Variants in SUMF2 observed in about 807,000 individuals in gnomAD.
The protein encoded by SUMF2 is sulfatase modifying factor 2.
Under a neutral mutation model 44.8 loss-of-function variants are expected in SUMF2, and 45 were observed. The ratio of observed to expected loss-of-function variants is 1.00; its 90% confidence interval spans 0.79 to 1.29. The LOEUF (loss-of-function observed/expected upper bound fraction) is 1.29, where lower values mean the gene tolerates loss of function less well. Ranked by LOEUF, SUMF2 falls within the 50% of genes most tolerant of loss-of-function variation. SUMF2 has a pLI of 0.00. For missense variants in SUMF2, 418 were observed against 389.9 expected (o/e 1.07, Z -0.61); for synonymous variants, 148 against 150.4 (o/e 0.98, Z 0.12).
chr7:56,083,482 G>A (rs1796116387), downstream of SUMF2: 2 of 1,608,600 alleles, frequency 1.2e-6, no homozygotes, highest in Admixed American at 3.3e-5. Flanking sequence ...CTCTGCTCAG[G>A]GTCAGGTAAC....
At chr7:56,068,776 C>T in intron 2 of SUMF2, 138 bp downstream of exon 2, 1 of 958,932 alleles carries the variant, frequency 1.0e-6, no homozygotes, top group South Asian at 1.6e-5. Flanking sequence ...CAATCTCGCT[C>T]ACTGCAACCT....
the SUMF2 span, among the ~76,000 whole-genome samples, chr7:56,087,372 C>A: frequency 6.6e-6 from 1 of 152,000 alleles, no homozygotes; most frequent in African/African-American, 2.4e-5. Context: ...CAGGCATGCA[C>A]CAGCATGCCT....
chr7:56,079,473 C>T, intron 8 of SUMF2, 55 bp from the exon 9 acceptor site: 1 of 1,547,594 alleles, frequency 6.5e-7, no homozygotes, highest in Non-Finnish European at 8.8e-7. Flanking sequence ...GATGGGTAAG[C>T]CCTAGGCCTT....
intron 1 of SUMF2, among the ~76,000 whole-genome samples, chr7:56,065,190 CAAAAAAA>C (rs60513641): frequency 3.5e-5 from 2 of 56,558 alleles, no homozygotes; most frequent in African/African-American, 6.8e-5. Flanking sequence ...GACTCCGTCT[CAAAAAAA>C]AAAAAAAAAA....
chr7:56,083,863 G>C, downstream of SUMF2: 1 of 658,780 alleles, frequency 1.5e-6, no homozygotes, highest in Non-Finnish European at 2.7e-6. Context: ...GAGAGGAGCC[G>C]GGGAAGTGAG....
chr7:56,076,306 G>A (rs1427699547), intron 5 of SUMF2, among the ~76,000 whole-genome samples: 6 of 151,638 alleles, frequency 4.0e-5, no homozygotes, highest in Non-Finnish European at 2.9e-5. Flanking sequence ...GATTACAGGC[G>A]TGAGCCACCA....
At position 56,064,362 on chromosome 7, in the gene SUMF2, C is replaced by T. The variant is rs754914168; in HGVS notation, c.51C>T (p.Gly17=). The T allele has an allele frequency of 2.5e-6, 4 of 1,604,350 alleles. No homozygotes were observed. The South Asian group carries it at 3.4e-5, about 13-fold the overall frequency. Residue 17 remains glycine (G), a synonymous_variant, in exon 1 of 9, where the codon GGC becomes GGT. Transcript: ENST00000434526. ...PLLPLLSLLV[G]AWLKLGNGQA... ...TGCCCCTGCTGTCGCTCCTGGTCGG[C>T]GCGTGGCTCAAGCTAGGTCAGTGAA...
At chr7:56,081,470 G>C (rs1343998601), downstream of SUMF2, among the ~76,000 whole-genome samples, 1 of 152,184 alleles carries the variant, frequency 6.6e-6, no homozygotes, top group Admixed American at 6.5e-5. This position sits in a 1 kb window ranked among gnomAD's most constrained non-coding sequence, Gnocchi z 4.6. Flanking sequence ...GACCGAGCCA[G>C]TGGGCTGACA....
At chr7:56,080,983 C>A, downstream of SUMF2, 2 of 1,569,978 alleles carry the variant, frequency 1.3e-6, no homozygotes, top group Non-Finnish European at 1.7e-6. Context: ...ACGCATCTCA[C>A]CCCTTTGACT....
chr7:56,067,577 T>G (rs945201164), intron 1 of SUMF2, among the ~76,000 whole-genome samples: 4 of 152,130 alleles, frequency 2.6e-5, no homozygotes, highest in African/African-American at 9.7e-5. Context: ...CGTCCATAGA[T>G]ATCCCCATTT....
At chr7:56,074,112 A>C (rs1584589925) in intron 3 of SUMF2, 62 bp from the exon 4 acceptor site, 2 of 1,501,708 alleles carry the variant, frequency 1.3e-6, no homozygotes, top group Admixed American at 3.4e-5. Context: ...CCTGTGGCTC[A>C]GTCGGGGAGG....
At chr7:56,084,362 G>T, downstream of SUMF2, 8 of 513,366 alleles carry the variant, frequency 1.6e-5, no homozygotes, top group Non-Finnish European at 2.4e-5. Context: ...AAGGACGTGA[G>T]TATCCCGATT....
intron 2 of SUMF2, among the ~76,000 whole-genome samples, chr7:56,068,957 C>T (rs1308998442): frequency 1.3e-5 from 2 of 151,946 alleles, no homozygotes; most frequent in Non-Finnish European, 2.9e-5. Flanking sequence ...AACTATCTGC[C>T]CACCTCAGCC....
Position 56,064,292 on chromosome 7 carries a change from G to T in SUMF2, c.-20G>T. 1 of 1,577,840 alleles carries T rather than the reference G, an allele frequency of 6.3e-7. No homozygotes were observed. Among genetic ancestry groups the T allele is most frequent in the East Asian group, 2.3e-5 (1 of 43,512 alleles). On this transcript the variant is annotated 5_prime_UTR_variant, in exon 1 of 9. Coordinates refer to ENST00000434526, the MANE Select transcript of SUMF2 (RefSeq NM_015411.4). Reference sequence around the variant, plus strand: ...GCGCAGCGGGGCCGTGGGTGTACGCGGCGCAGCGCGGCAGTCCTGATGGCC... The same window carrying T: ...GCGCAGCGGGGCCGTGGGTGTACGCTGCGCAGCGCGGCAGTCCTGATGGCC...
intron 2 of SUMF2, among the ~76,000 whole-genome samples, chr7:56,071,050 T>C (rs552074824): frequency 2.0e-5 from 3 of 152,332 alleles, no homozygotes; most frequent in South Asian, 4.1e-4. Context: ...TCTTGATTAT[T>C]GTAGTGACTA....
At chr7:56,073,970 G>C (rs545667938) in intron 3 of SUMF2, 1 of 592,030 alleles carries the variant, frequency 1.7e-6, no homozygotes, top group South Asian at 2.1e-5. Context: ...AGCTCTGATG[G>C]TGCCACTGCA....
intron 8 of SUMF2, among the ~76,000 whole-genome samples, chr7:56,079,194 G>A (rs902049136): frequency 6.6e-6 from 1 of 152,164 alleles, no homozygotes; most frequent in African/African-American, 2.4e-5. Context: ...CATTGCTTGT[G>A]GACAGGTTTT....
At chr7:56,086,211 C>T in the SUMF2 span, among the ~76,000 whole-genome samples, 1 of 151,868 alleles carries the variant, frequency 6.6e-6, no homozygotes, top group Non-Finnish European at 1.5e-5. Context: ...AGTCATCCCT[C>T]TTTATCTGCA....
intron 5 of SUMF2, 114 bp downstream of exon 5, chr7:56,074,850 C>T: frequency 1.5e-6 from 2 of 1,343,154 alleles, no homozygotes; most frequent in East Asian, 2.4e-5. Context: ...GTAATCCCAA[C>T]ACTTTGGGAG....
Sources: allele counts gnomAD v4.1 joint callset (sites outside exome capture counted in the v4.1 genomes callset), GRCh38; gene constraint gnomAD v4.1.1; non-coding constraint Gnocchi (gnomAD v3.1); transcripts MANE v1.5; gene names NCBI Gene and HGNC (gene_info 2026-07-23, HGNC 2026-07-21).